Variants in PCDHA1 observed in about 807,000 individuals in gnomAD.
PCDHA1 encodes the protein protocadherin alpha-1.
In PCDHA1, 42 loss-of-function variants were observed where a neutral mutation model predicts 61.3. That is an observed-to-expected ratio of 0.69 (90% confidence interval 0.54 to 0.89). PCDHA1 has a LOEUF of 0.89. PCDHA1 is among the 40% of genes least tolerant of loss of function. The pLI is 0.00. For missense variants in PCDHA1, 1,256 were observed against 1,235.3 expected (o/e 1.02, Z -0.25); for synonymous variants, 610 against 553.8 (o/e 1.10, Z -1.43).
intron 1 of PCDHA1, chr5:140,834,302 A>T: frequency 7.7e-7 from 1 of 1,294,438 alleles, no homozygotes; most frequent in East Asian, 2.3e-5. Context: ...CCACACATCG[A>T]GATTGAAATG....
intron 1 of PCDHA1, chr5:140,857,901 G>A (rs782807567): frequency 1.9e-6 from 3 of 1,597,728 alleles, no homozygotes; most frequent in East Asian, 4.5e-5. Flanking sequence ...GTTGGTGCAC[G>A]CATCCCGTTT....
rs782392001 is a variant in PCDHA1 at position 140,857,340 on chromosome 5, C to G, written c.2394+68656C>G. 2.5e-6 allele frequency: 4 copies of G among 1,598,236 alleles called. No individual in the cohort carries two copies. The South Asian group carries it at 4.4e-5, about 18-fold the overall frequency. ...GTGGTGACCGCGCGGGACGGGGGCTCGCCTCCGCTGTGGGCCACGGCCAGC... is the reference window on the plus strand; with the variant it reads ...GTGGTGACCGCGCGGGACGGGGGCTGGCCTCCGCTGTGGGCCACGGCCAGC... On this transcript the variant is annotated intron_variant, in intron 1 of 3. Coordinates refer to ENST00000504120, the MANE Select transcript of PCDHA1 (RefSeq NM_018900.4).
intron 1 of PCDHA1, chr5:140,814,796 A>G (rs2126658940): frequency 6.6e-6 from 1 of 152,282 alleles, no homozygotes; most frequent in Non-Finnish European, 1.5e-5. Flanking sequence ...TTGTTATACA[A>G]CACTTGACTT....
At chr5:140,820,196 T>C (rs1554127803) in intron 1 of PCDHA1, among the ~76,000 whole-genome samples, 26 of 152,084 alleles carry the variant, frequency 1.7e-4, no homozygotes. Flanking sequence ...GATTTGTGTT[T>C]CAACGATCCA....
intron 1 of PCDHA1, chr5:140,830,545 CAT>C: frequency 8.7e-7 from 1 of 1,153,858 alleles, no homozygotes; most frequent in Non-Finnish European, 1.2e-6. Context: ...TTGTTTTCCT[CAT>C]ATTTGTCTTC....
intron 1 of PCDHA1, among the ~76,000 whole-genome samples, chr5:140,914,462 G>A (rs1554196374): frequency 6.6e-6 from 1 of 152,068 alleles, no homozygotes; most frequent in East Asian, 1.9e-4. Context: ...CAGTCTATGT[G>A]TATCTTCATA....
chr5:140,786,316 T>C lies in PCDHA1; in HGVS notation c.26T>C (p.Leu9Pro). Residue 9 changes from leucine to proline, a missense_variant, in exon 1 of 4, where the codon CTG (leucine) becomes CCG (proline). Transcript: ENST00000504120. ...ATGGTGTTTTCTAGGAGAGGGGGCC[T>C]GGGAGCCCGGGATCTGCTTCTTTGG... The part of the protein sequence containing the change: MVFSRRGG[L>P]GARDLLLWLL... 6.2e-7 allele frequency: 1 copy of C among 1,610,954 alleles called. No individual in the cohort carries two copies. The highest frequency in any genetic ancestry group is 8.5e-7 in the Non-Finnish European group (1 of 1,178,276).
chr5:140,871,291 G>C, intron 1 of PCDHA1: 1 of 1,613,906 alleles, frequency 6.2e-7, no homozygotes, highest in Non-Finnish European at 8.5e-7. Flanking sequence ...CACTGAGGGC[G>C]CGTGCGCGCC....
At chr5:141,007,476 G>A (rs1412241964) in intron 3 of PCDHA1, among the ~76,000 whole-genome samples, 1 of 151,712 alleles carries the variant, frequency 6.6e-6, no homozygotes, top group Non-Finnish European at 1.5e-5. Context: ...GCTGAGGCAC[G>A]AGAATTACTT....
chr5:140,802,819 G>C, intron 1 of PCDHA1: 3 of 1,613,580 alleles, frequency 1.9e-6, no homozygotes, highest in Non-Finnish European at 2.5e-6. Context: ...CGCGATGCGG[G>C]CGTGCCGCCT....
chr5:140,877,155 C>G (rs782559744), intron 1 of PCDHA1: 21 of 1,613,680 alleles, frequency 1.3e-5, no homozygotes, highest in Non-Finnish European at 1.8e-5. Flanking sequence ...AGAACGACAA[C>G]GCGCCGGCAC....
At chr5:140,827,857 T>C (rs1368807201) in intron 1 of PCDHA1, 6 of 511,642 alleles carry the variant, frequency 1.2e-5, no homozygotes, top group Non-Finnish European at 1.7e-5. Context: ...TTTAAAAATA[T>C]ATGGTATAGC....
Position 140,787,472 on chromosome 5 carries a change from C to T in PCDHA1, c.1182C>T (p.Pro394=). Residue 394 remains proline, a synonymous_variant, in exon 1 of 4, where the codon CCC becomes CCT. Transcript: ENST00000504120. Reference sequence around the variant, plus strand: ...CTTGCTCCTTAATGCCCCACGTCCCCTTCAAGCTGGTGTCCACCTTCAAGA... The same window carrying T: ...CTTGCTCCTTAATGCCCCACGTCCCTTTCAAGCTGGTGTCCACCTTCAAGA... ...QVTCSLMPHV[P]FKLVSTFKNY... The T allele has an allele frequency of 2.5e-6, 4 of 1,614,250 alleles. No homozygotes were observed. Among genetic ancestry groups the T allele is most frequent in the South Asian group, 2.2e-5 (2 of 91,086 alleles).
Position 140,847,574 on chromosome 5 carries a change from G to T in PCDHA1, c.2394+58890G>T, listed in dbSNP as rs1038933297. 2 of 149,278 alleles carry T rather than the reference G, an allele frequency of 1.3e-5. 1 individual carries two copies. The highest frequency in any genetic ancestry group is 3.0e-5 in the Non-Finnish European group (2 of 66,762). The allele number at this position is 149,278 out of a possible 1,614,324, so 9.2% of individuals were successfully genotyped here. On this transcript the variant is annotated intron_variant, in intron 1 of 3. Coordinates refer to ENST00000504120, the MANE Select transcript of PCDHA1 (RefSeq NM_018900.4). The stretch of plus-strand genomic sequence containing the variant: ...AACAGAAATTGCCCCGAGTACTAAG[G>T]ATGAGCAATAATGAAATTAAAACAT...
chr5:140,803,361 C>A (rs372773080), intron 1 of PCDHA1: 2 of 1,614,076 alleles, frequency 1.2e-6, no homozygotes, highest in Admixed American at 1.7e-5. Context: ...TACTGCTCTG[C>A]GGTGCTCCGC....
At chr5:140,914,248 G>T (rs1228200797) in intron 1 of PCDHA1, among the ~76,000 whole-genome samples, 1 of 151,850 alleles carries the variant, frequency 6.6e-6, no homozygotes, top group Non-Finnish European at 1.5e-5. Flanking sequence ...TTTATATCTG[G>T]GTGCTTCAAT....
chr5:140,976,770 C>T (rs2096730456), intron 1 of PCDHA1, among the ~76,000 whole-genome samples: 1 of 152,162 alleles, frequency 6.6e-6, no homozygotes, highest in Non-Finnish European at 1.5e-5. Flanking sequence ...GCCTGCTAGA[C>T]TCTGACTATA....
At chr5:140,994,236 A>G (rs1222556974) in intron 3 of PCDHA1, among the ~76,000 whole-genome samples, 3 of 152,170 alleles carry the variant, frequency 2.0e-5, no homozygotes, top group African/African-American at 4.8e-5. Context: ...GTTATAATCA[A>G]TTCAAACCCT....
intron 1 of PCDHA1, among the ~76,000 whole-genome samples, chr5:140,880,233 T>A (rs1040125802): frequency 6.6e-6 from 1 of 152,046 alleles, no homozygotes; most frequent in African/African-American, 2.4e-5. Flanking sequence ...TTTAAATTAG[T>A]GTATGTGCGT....
Sources: allele counts gnomAD v4.1 joint callset (sites outside exome capture counted in the v4.1 genomes callset), GRCh38; gene constraint gnomAD v4.1.1; transcripts MANE v1.5; gene names NCBI Gene and HGNC (gene_info 2026-07-23, HGNC 2026-07-21).